Variants in TMPRSS9 observed in about 807,000 individuals in gnomAD.
The protein encoded by TMPRSS9 is transmembrane serine protease 9.
Under a neutral mutation model 111.4 loss-of-function variants are expected in TMPRSS9, and 113 were observed. The ratio of observed to expected loss-of-function variants is 1.01; its 90% CI spans 0.87 to 1.19. The LOEUF is 1.19. Among genes scored for constraint, TMPRSS9 ranks in the 50% most tolerant of loss-of-function variants. The pLI is 0.00. For missense variants in TMPRSS9, 1,803 were observed against 1,513.1 expected, an observed-to-expected ratio of 1.19 and a Z score of -3.18; for synonymous variants, 805 against 659.1, an observed-to-expected ratio of 1.22 and a Z score of -3.39.
chr19:2,389,236 A>G (rs7507159), upstream of TMPRSS9, among the ~76,000 whole-genome samples: 84,516 of 147,252 alleles, frequency 0.57, 24,216 homozygotes, highest in Middle Eastern at 0.65. Flanking sequence ...ACCACGCCTG[A>G]CTAATTTTTT....
chr19:2,391,409 T>C (rs991058050), intron 1 of TMPRSS9, among the ~76,000 whole-genome samples: 3 of 151,294 alleles, frequency 2.0e-5, no homozygotes, highest in African/African-American at 7.3e-5. Context: ...TTGTGGAACT[T>C]CTGGAAACTC....
chr19:2,425,083 G>A (rs1173802897), exon 16 of TMPRSS9: 6 of 1,578,254 alleles, frequency 3.8e-6, no homozygotes, highest in Non-Finnish European at 5.1e-6. Context: ...AGCGCGTGGC[G>A]CGCATCTACA....
intron 7 of TMPRSS9, among the ~76,000 whole-genome samples, chr19:2,407,608 C>CT (rs71178273): frequency 2.5e-4 from 25 of 98,362 alleles, no homozygotes; most frequent in Non-Finnish European, 4.1e-4. Context: ...CTTTTCTTTT[C>CT]TTTTTTTTTT....
intron 9 of TMPRSS9, among the ~76,000 whole-genome samples, chr19:2,413,317 C>T (rs1305511231): frequency 6.6e-6 from 1 of 152,164 alleles, no homozygotes; most frequent in East Asian, 1.9e-4. Context: ...GGGAGCAATG[C>T]TGCAGCTACC....
At chr19:2,413,942 G>C in exon 10 of TMPRSS9, 1 of 1,612,014 alleles carries the variant, frequency 6.2e-7, no homozygotes, top group Middle Eastern at 1.7e-4. Context: ...AGAGCCCTGT[G>C]GTCAGCACCC....
At chr19:2,392,573 C>A (rs764176846) in intron 1 of TMPRSS9, among the ~76,000 whole-genome samples, 7 of 152,084 alleles carry the variant, frequency 4.6e-5, no homozygotes, top group Admixed American at 2.6e-4. Flanking sequence ...CAGGGCCGGG[C>A]GAAGCCAGCT....
intron 9 of TMPRSS9, among the ~76,000 whole-genome samples, chr19:2,412,035 C>T (rs1224013375): frequency 6.6e-6 from 1 of 152,014 alleles, no homozygotes; most frequent in Non-Finnish European, 1.5e-5. Flanking sequence ...TTCAGGCAAA[C>T]GTAAGTTATT....
At chr19:2,422,271 C>G (rs1380733871) in intron 14 of TMPRSS9, 24 bp downstream of exon 15, 2 of 1,492,950 alleles carry the variant, frequency 1.3e-6, no homozygotes, top group African/African-American at 1.4e-5. Context: ...CGGAGGGATC[C>G]CTGGGAGTGG....
At chr19:2,390,076 G>T in intron 1 of TMPRSS9, 149 bp downstream of exon 2, 1 of 996,300 alleles carries the variant, frequency 1.0e-6, no homozygotes, top group African/African-American at 1.6e-5. Flanking sequence ...CCAGGCGGGT[G>T]GGCGGGGAGT....
intron 1 of TMPRSS9, among the ~76,000 whole-genome samples, chr19:2,379,897 T>C (rs1970373565): frequency 6.6e-6 from 1 of 151,744 alleles, no homozygotes; most frequent in African/African-American, 2.4e-5. Context: ...TACAGGTGCA[T>C]GCTACCATGC....
chr19:2,413,712 G>A (rs561324404), exon 10 of TMPRSS9: 1 of 1,604,236 alleles, frequency 6.2e-7, no homozygotes, highest in African/African-American at 1.3e-5. Context: ...TGACTCAGGA[G>A]GACCCCTGGT....
chr19:2,407,011 G>A (rs1013594521), intron 7 of TMPRSS9, among the ~76,000 whole-genome samples: 7 of 151,416 alleles, frequency 4.6e-5, no homozygotes, highest in African/African-American at 1.7e-4. Flanking sequence ...TGTTGGCCAG[G>A]CTGGTCTTGA....
upstream of TMPRSS9, among the ~76,000 whole-genome samples, chr19:2,388,708 C>T (rs985351207): frequency 6.6e-6 from 1 of 152,102 alleles, no homozygotes; most frequent in Non-Finnish European, 1.5e-5. Context: ...GCAGCTTCCA[C>T]CTCCTGGGCT....
chr19:2,408,517 C>T (rs1971020770), exon 8 of TMPRSS9: 2 of 1,613,856 alleles, frequency 1.2e-6, no homozygotes, highest in East Asian at 2.2e-5. Context: ...CTGACCAGCC[C>T]TCTGCCTTTC....
chr19:2,422,088 A>G, exon 14 of TMPRSS9: 1 of 1,608,008 alleles, frequency 6.2e-7, no homozygotes, highest in Non-Finnish European at 8.5e-7. Context: ...AGCTGGCCTC[A>G]CAGTCCCGGG....
rs1971073738 is a variant in TMPRSS9 at position 2,410,519 on chromosome 19, AAC to A, written c.1254+129_1254+130del. 6.8e-5 allele frequency: 90 copies of A among 1,321,696 alleles called. 3 individuals carry two copies. In the Middle Eastern group the frequency reaches 4.3e-3, roughly 63 times the overall value. 81.9% of individuals were successfully genotyped at this position (1,321,696 alleles called of 1,614,324 possible). On this transcript the variant is annotated intron_variant, in intron 9 of 17. Coordinates refer to ENST00000648592, the Ensembl canonical transcript of TMPRSS9. ...CCCCCAACGCCCCAGACCCCAGAAAAACACAGACACGAGCGTGTTCAAATGCT... is the reference window on the plus strand; with the variant it reads ...CCCCCAACGCCCCAGACCCCAGAAAAACAGACACGAGCGTGTTCAAATGCT...
At chr19:2,399,042 A>G in exon 4 of TMPRSS9, 1 of 1,612,764 alleles carries the variant, frequency 6.2e-7, no homozygotes, top group Non-Finnish European at 8.5e-7. Context: ...GTGTCCTCGT[A>G]CATTTCCAGC....
exon 14 of TMPRSS9, chr19:2,421,958 C>G (rs761646435): frequency 6.2e-7 from 1 of 1,613,138 alleles, no homozygotes; most frequent in South Asian, 1.1e-5. Context: ...AGAAGCCGGG[C>G]GTGTACACGC....
At chr19:2,371,504 C>G (rs1296249091) in intron 1 of TMPRSS9, among the ~76,000 whole-genome samples, 1 of 151,610 alleles carries the variant, frequency 6.6e-6, no homozygotes, top group Non-Finnish European at 1.5e-5. Context: ...CTGGGTGACA[C>G]AGCAAAACCC....
Sources: allele counts gnomAD v4.1 joint callset (sites outside exome capture counted in the v4.1 genomes callset), GRCh38; gene constraint gnomAD v4.1.1; transcripts MANE v1.5; gene names NCBI Gene and HGNC (gene_info 2026-07-23, HGNC 2026-07-21).